Variants in NPAS1 observed in about 807,000 individuals in gnomAD.
NPAS1 encodes neuronal PAS domain protein 1, also known as neuronal PAS domain-containing protein 1.
NPAS1 carries 29 observed loss-of-function variants against 49.2 expected under a neutral mutation model. That is an observed-to-expected ratio of 0.59 (90% confidence interval 0.44 to 0.80). The LOEUF (loss-of-function observed/expected upper bound fraction) is 0.80. Among genes scored for constraint, NPAS1 ranks in the 30% least tolerant of loss-of-function variants. NPAS1 has a pLI of 0.00. For missense variants in NPAS1, 825 were observed against 835.5 expected, an observed-to-expected ratio of 0.99 and a Z score of 0.15; for synonymous variants, 408 against 380.4, an observed-to-expected ratio of 1.07 and a Z score of -0.84.
At position 47,021,044 on chromosome 19, in the gene NPAS1, G is replaced by C. The variant is rs371126378; in HGVS notation, c.-4G>C. The stretch of plus-strand genomic sequence containing the variant: ...CGGAGCCCGCCTGAGCGAGCCCCCC[G>C]GAGATGGCGGCCCCCTATCCCGGCA... On this transcript the variant is annotated 5_prime_UTR_variant, in exon 2 of 12. Transcript: ENST00000602212. The surrounding 1 kb of genome is among the most constrained non-coding windows in gnomAD (Gnocchi z 5.7). 267 of 1,601,192 alleles carry C rather than the reference G, an allele frequency of 1.7e-4. No individual in the cohort carries two copies. The highest frequency in any genetic ancestry group is 2.2e-4 in the Non-Finnish European group (262 of 1,175,604).
chr19:47,034,853 G>A (rs944762447), intron 5 of NPAS1, among the ~76,000 whole-genome samples: 1 of 151,842 alleles, frequency 6.6e-6, no homozygotes, highest in Non-Finnish European at 1.5e-5. Flanking sequence ...TCCAGCCTGG[G>A]CAACGAGAGC....
rs1408479231 is a variant in NPAS1 at position 47,045,635 on chromosome 19, C to T, written c.1757C>T (p.Pro586Leu). The T allele has an allele frequency of 2.1e-6, 3 of 1,426,596 alleles. No individual in the cohort carries two copies. The highest frequency in any genetic ancestry group is 3.0e-5 in the African/African-American group (2 of 66,390). 88.4% of individuals were successfully genotyped at this position (1,426,596 alleles called of 1,614,324 possible). Residue 586 changes from proline (P) to leucine (L), a missense_variant, in exon 12 of 12, where the codon CCG becomes CTG. By Grantham distance (98) the Pro-to-Leu change is moderately conservative. Transcript: ENST00000602212. Reference sequence around the variant, plus strand: ...CCGGGGCCCGCGGGCACCAGGCTGCCGCGGAAGGGGGACTGAGGACTGGCA... The same window carrying T: ...CCGGGGCCCGCGGGCACCAGGCTGCTGCGGAAGGGGGACTGAGGACTGGCA... ...PYPGPAGTRL[P>L]RKGD
intron 5 of NPAS1, among the ~76,000 whole-genome samples, chr19:47,033,843 G>C (rs1050961793): frequency 6.7e-6 from 1 of 149,528 alleles, no homozygotes; most frequent in African/African-American, 2.5e-5. Context: ...GCCAGGCATG[G>C]TGGCACACTG....
At chr19:47,034,590 A>G (rs1568504780) in intron 5 of NPAS1, among the ~76,000 whole-genome samples, 1 of 151,828 alleles carries the variant, frequency 6.6e-6, no homozygotes, top group African/African-American at 2.4e-5. Flanking sequence ...GTGGAGGAAA[A>G]GCTTGGCCAG....
At chr19:47,040,929 C>T in intron 9 of NPAS1, 49 bp from the exon 10 acceptor site, 1 of 1,420,514 alleles carries the variant, frequency 7.0e-7, no homozygotes, top group Non-Finnish European at 9.2e-7. Context: ...TCTGTCTTGC[C>T]CCTGTCCCCA....
chr19:47,021,222 C>G lies in NPAS1; in HGVS notation c.122+53C>G. The G allele has an allele frequency of 6.9e-7, 1 of 1,440,548 alleles. No homozygotes were observed. The highest frequency in any genetic ancestry group is 9.3e-7 in the Non-Finnish European group (1 of 1,078,856). The allele number at this position is 1,440,548 out of a possible 1,614,324, so 89.2% of individuals were successfully genotyped here. A position where few individuals can be genotyped will look rare whatever the true frequency, so the allele number is the denominator to read the frequency against. On this transcript the variant is annotated intron_variant, in intron 2 of 11. Transcript: ENST00000602212. The surrounding 1 kb of genome is among the most constrained non-coding windows in gnomAD (Gnocchi z 5.7). Reference sequence around the variant, plus strand: ...CGGGCCCCCCCCCGGGTCCAATTCACACCCGATGTTCTGTCCCCGTGCCAA... The same window carrying G: ...CGGGCCCCCCCCCGGGTCCAATTCAGACCCGATGTTCTGTCCCCGTGCCAA...
intron 6 of NPAS1, among the ~76,000 whole-genome samples, chr19:47,037,118 G>A (rs1264377669): frequency 3.3e-5 from 5 of 150,754 alleles, no homozygotes; most frequent in Non-Finnish European, 7.4e-5. Flanking sequence ...TTGGGAGGCC[G>A]AAGTGGGCGG....
At chr19:47,024,009 G>T (rs942479188) in intron 3 of NPAS1, among the ~76,000 whole-genome samples, 7 of 152,180 alleles carry the variant, frequency 4.6e-5, no homozygotes, top group Non-Finnish European at 8.8e-5. Context: ...GGAGGCTAAG[G>T]CAGGGGAATC....
intron 3 of NPAS1, among the ~76,000 whole-genome samples, chr19:47,022,995 A>C (rs1475913171): frequency 6.6e-6 from 1 of 152,224 alleles, no homozygotes; most frequent in African/African-American, 2.4e-5. Context: ...CCACCCCTCC[A>C]GGAGAAGAGG....
intron 1 of NPAS1, 30 bp from the exon 2 acceptor site, chr19:47,020,976 A>G: frequency 7.1e-7 from 1 of 1,402,140 alleles, no homozygotes; most frequent in Non-Finnish European, 9.5e-7. Context: ...GAGGGCACTA[A>G]GCGTTGCCCC....
At chr19:47,036,898 A>G (rs2122514513) in intron 6 of NPAS1, among the ~76,000 whole-genome samples, 1 of 151,678 alleles carries the variant, frequency 6.6e-6, no homozygotes. Flanking sequence ...AACAACAACA[A>G]AAGAAAGAAA....
rs144461672 is a variant in NPAS1 at position 47,043,671 on chromosome 19, C to T, written c.1312+767C>T. 1.6e-3 allele frequency among the ~76,000 whole-genome samples: 246 copies of T among 152,090 alleles called. 2 individuals are homozygous for T. Among genetic ancestry groups the T allele is most frequent in the African/African-American group, 5.5e-3 (227 of 41,496 alleles). On this transcript the variant is annotated intron_variant, in intron 11 of 11. Transcript: ENST00000602212. ...ACTCAGGAGGCTGAGGCAGGAGAGT[C>T]GCTTCTACCCAGGAGTCAGAGGTTG...
At position 47,045,513 on chromosome 19, in the gene NPAS1, C is replaced by T. The variant is rs2057069257; in HGVS notation, c.1635C>T (p.Gly545=). Residue 545 remains glycine (G), a synonymous_variant, in exon 12 of 12, where the codon GGC becomes GGT. Coordinates refer to ENST00000602212, the MANE Select transcript of NPAS1 (RefSeq NM_002517.4). The part of the protein sequence containing the change: ...GLCTPGTIRY[G]PAELGLVYPH... ...GCACACCCGGCACCATCCGCTACGG[C>T]CCCGCGGAGCTGGGCCTGGTGTACC... The T allele has an allele frequency of 1.9e-6, 3 of 1,539,902 alleles. No homozygotes were observed. Among genetic ancestry groups the T allele is most frequent in the Admixed American group, 2.0e-5 (1 of 50,152 alleles).
chr19:47,033,841 T>C (rs1252741468), intron 5 of NPAS1, among the ~76,000 whole-genome samples: 3 of 120,536 alleles, frequency 2.5e-5, no homozygotes, highest in Non-Finnish European at 4.9e-5. Flanking sequence ...TAGCCAGGCA[T>C]GGTGGCACAC....
rs1175827380 is a variant in NPAS1, at chr19:47,039,497, C to T, written c.895C>T (p.Pro299Ser). The change falls in exon 8 of 12, where the codon CCA (proline) becomes TCA (serine). Residue 299 changes from proline to serine, a missense_variant. Physicochemically the swap from Pro to Ser is moderately conservative, Grantham distance 74. Transcript: ENST00000602212. Reference sequence around the variant, plus strand: ...GCCCCCGGCCCCCCTGGCTGAGCTGCCACTCCATGGACACATGATCGTCTT... The same window carrying T: ...GCCCCCGGCCCCCCTGGCTGAGCTGTCACTCCATGGACACATGATCGTCTT... ...TLPPAPLAELPLHGHMIVFRL... is the reference protein window; with the variant it reads ...TLPPAPLAELSLHGHMIVFRL... The T allele has an allele frequency of 6.2e-7, 1 of 1,611,482 alleles. No homozygotes were observed. The highest frequency in any genetic ancestry group is 1.3e-5 in the African/African-American group (1 of 74,996).
At chr19:47,041,602 G>A (rs1265573268) in intron 10 of NPAS1, among the ~76,000 whole-genome samples, 1 of 152,162 alleles carries the variant, frequency 6.6e-6, no homozygotes, top group Non-Finnish European at 1.5e-5. Flanking sequence ...TGACGGCCTG[G>A]CCTTTTGGCT....
chr19:47,042,955 G>A (rs1217286009), intron 11 of NPAS1, 51 bp downstream of exon 11: 5 of 1,390,484 alleles, frequency 3.6e-6, no homozygotes, highest in Non-Finnish European at 4.8e-6. Flanking sequence ...GGAACCTTTG[G>A]GTCCTGGCTG....
chr19:47,041,928 C>T (rs1189056965), intron 10 of NPAS1, among the ~76,000 whole-genome samples: 2 of 146,468 alleles, frequency 1.4e-5, no homozygotes, highest in Admixed American at 7.0e-5. Context: ...TGCAGTGAGC[C>T]GTGATCGTGC....
At position 47,040,417 on chromosome 19, in the gene NPAS1, C is replaced by A. The variant is rs368270841; in HGVS notation, c.963-27C>A. On this transcript the variant is annotated intron_variant, in intron 8 of 11. Coordinates refer to ENST00000602212, the MANE Select transcript of NPAS1 (RefSeq NM_002517.4). Reference sequence around the variant, plus strand: ...TCCCCCAACCCCGTGGTCTTGGACTCCTCCCCTCTTCTCTGTCACCCCCCA... The same window carrying A: ...TCCCCCAACCCCGTGGTCTTGGACTACTCCCCTCTTCTCTGTCACCCCCCA... 173 of 1,518,600 alleles carry A rather than the reference C, an allele frequency of 1.1e-4. No homozygotes were observed. The African/African-American group carries it at 2.1e-3, about 19-fold the overall frequency. 94.1% of individuals were successfully genotyped at this position (1,518,600 alleles called of 1,614,324 possible). A position where few individuals can be genotyped will look rare whatever the true frequency, so the allele number is the denominator to read the frequency against.
Sources: gnomAD v4.1 joint callset for allele counts (sites outside exome capture counted in the v4.1 genomes callset) on GRCh38, gnomAD v4.1.1 for gene constraint, Gnocchi (gnomAD v3.1) non-coding constraint, MANE v1.5 for transcripts, NCBI Gene and HGNC (gene_info 2026-07-23, HGNC 2026-07-21) for gene names.